PTPRM: variants seen among roughly 807,000 people sequenced by gnomAD.
PTPRM encodes the protein receptor-type tyrosine-protein phosphatase mu.
In PTPRM, 47 loss-of-function variants were observed where a neutral mutation model predicts 186.7. The observed-to-expected ratio is 0.25, with a 90% CI of 0.20 to 0.32. The LOEUF is 0.32. Ranked by LOEUF, PTPRM falls within the 10% of genes least tolerant of loss-of-function variation. PTPRM has a pLI of 1.00. For missense variants in PTPRM, 1,494 were observed against 1,865.0 expected (o/e 0.80, Z 3.66); for synonymous variants, 668 against 674.9 (o/e 0.99, Z 0.16).
chr18:8,346,300 T>C (rs1231108082), intron 23 of PTPRM, among the ~76,000 whole-genome samples: 2 of 152,366 alleles, frequency 1.3e-5, no homozygotes, highest in Middle Eastern at 3.4e-3. Flanking sequence ...ACTATCTTCC[T>C]GTTCTGGAGG....
At chr18:7,711,214 C>T (rs557994429) in intron 1 of PTPRM, among the ~76,000 whole-genome samples, 1 of 152,104 alleles carries the variant, frequency 6.6e-6, no homozygotes, top group Non-Finnish European at 1.5e-5. Flanking sequence ...TTGCCTCACC[C>T]GGGAAGCTCA....
chr18:8,156,161 C>A (rs1017770888), intron 14 of PTPRM, among the ~76,000 whole-genome samples: 3 of 152,132 alleles, frequency 2.0e-5, no homozygotes, highest in Non-Finnish European at 1.5e-5. Context: ...TTTGTAAAGG[C>A]CTCTTCTGAG....
chr18:7,667,255 C>T (rs964238686), intron 1 of PTPRM, among the ~76,000 whole-genome samples: 2 of 152,110 alleles, frequency 1.3e-5, no homozygotes, highest in African/African-American at 4.8e-5. Context: ...AGGAAAAATG[C>T]GGAGGACCAC....
chr18:8,160,300 T>G (rs1352933779), intron 14 of PTPRM, among the ~76,000 whole-genome samples: 1 of 152,128 alleles, frequency 6.6e-6, no homozygotes, highest in Non-Finnish European at 1.5e-5. Flanking sequence ...ATTTATTTAT[T>G]TATTGGAGAT....
At chr18:8,188,334 A>G (rs909050484) in intron 14 of PTPRM, among the ~76,000 whole-genome samples, 3 of 152,254 alleles carry the variant, frequency 2.0e-5, no homozygotes, top group Admixed American at 6.5e-5. Flanking sequence ...GGCAGCAGCC[A>G]ACATTTTGCT....
At chr18:8,100,326 A>G (rs2091235924) in intron 11 of PTPRM, among the ~76,000 whole-genome samples, 2 of 152,088 alleles carry the variant, frequency 1.3e-5, no homozygotes, top group African/African-American at 4.8e-5. Flanking sequence ...TTTTTAGTAG[A>G]GACGGGGTTT....
At chr18:7,817,084 C>T (rs2044874314) in intron 2 of PTPRM, among the ~76,000 whole-genome samples, 1 of 150,336 alleles carries the variant, frequency 6.7e-6, no homozygotes, top group African/African-American at 2.5e-5. Flanking sequence ...AAGTGATTCT[C>T]TTGCCTCAGC....
intron 5 of PTPRM, among the ~76,000 whole-genome samples, chr18:7,927,804 G>T (rs1203933172): frequency 6.6e-6 from 1 of 152,172 alleles, no homozygotes; most frequent in Non-Finnish European, 1.5e-5. Flanking sequence ...CCAGGATGCG[G>T]TAGAGTGGTA....
intron 2 of PTPRM, among the ~76,000 whole-genome samples, chr18:7,854,211 C>A (rs1418761443): frequency 6.6e-6 from 1 of 152,130 alleles, no homozygotes; most frequent in African/African-American, 2.4e-5. Context: ...AATTGTCTTT[C>A]TTCTATCATG....
intron 2 of PTPRM, among the ~76,000 whole-genome samples, chr18:7,774,850 G>C (rs1415010068): frequency 6.6e-6 from 1 of 152,224 alleles, no homozygotes; most frequent in African/African-American, 2.4e-5. Flanking sequence ...TGTTGGGAGG[G>C]AAAAGTAGGA....
intron 7 of PTPRM, among the ~76,000 whole-genome samples, chr18:8,019,882 G>A (rs1159134883): frequency 1.3e-5 from 2 of 150,062 alleles, no homozygotes; most frequent in Admixed American, 6.6e-5. Flanking sequence ...TTAACCCAAC[G>A]CTCTTGGGTT....
chr18:8,021,152 T>G (rs1396346202), intron 7 of PTPRM, among the ~76,000 whole-genome samples: 7 of 152,138 alleles, frequency 4.6e-5, no homozygotes, highest in Non-Finnish European at 1.0e-4. Flanking sequence ...TAGAAAATTA[T>G]GTTGGAAAAT....
Position 7,943,837 on chromosome 18 carries a change from A to G in PTPRM, c.664-5344A>G, listed in dbSNP as rs373245946. Among the ~76,000 whole-genome samples, 27 of 152,290 alleles carry G rather than the reference A, an allele frequency of 1.8e-4. No homozygotes were observed. In the South Asian group the frequency reaches 4.8e-3, roughly 27 times the overall value. On this transcript the variant is annotated intron_variant, in intron 5 of 32. Transcript: ENST00000580170. Reference sequence around the variant, plus strand: ...TTGGCCAACCCAGATAATCCAGTCTATCTTTCCATCTCTAGACCCTTATTT... The same window carrying G: ...TTGGCCAACCCAGATAATCCAGTCTGTCTTTCCATCTCTAGACCCTTATTT...
intron 8 of PTPRM, 40 bp downstream of exon 8, chr18:8,070,034 C>A (rs1279020482): frequency 2.6e-6 from 4 of 1,546,286 alleles, no homozygotes; most frequent in Admixed American, 3.9e-5. Context: ...AAAACATGTT[C>A]TTTCAAAAAA....
intron 2 of PTPRM, among the ~76,000 whole-genome samples, chr18:7,873,565 A>G (rs1390688147): frequency 6.6e-6 from 1 of 152,204 alleles, no homozygotes; most frequent in Non-Finnish European, 1.5e-5. Flanking sequence ...AGCACTCAGT[A>G]CAGGTTCGGT....
chr18:7,903,242 A>C (rs1253378781), intron 3 of PTPRM, among the ~76,000 whole-genome samples: 1 of 152,194 alleles, frequency 6.6e-6, no homozygotes, highest in Non-Finnish European at 1.5e-5. Flanking sequence ...GGAAGAGAGG[A>C]TGGCAGGTGG....
At chr18:7,658,769 A>G (rs1363274587) in intron 1 of PTPRM, among the ~76,000 whole-genome samples, 1 of 152,174 alleles carries the variant, frequency 6.6e-6, no homozygotes, top group Admixed American at 6.5e-5. Flanking sequence ...AAGTTTTCCT[A>G]GTAAATAGAC....
intron 2 of PTPRM, among the ~76,000 whole-genome samples, chr18:7,822,689 C>T (rs2045262791): frequency 1.3e-5 from 2 of 152,192 alleles, no homozygotes; most frequent in African/African-American, 2.4e-5. Context: ...AATGAATTCT[C>T]TCAAGGCCTC....
At chr18:7,844,248 A>G (rs2145870141) in intron 2 of PTPRM, among the ~76,000 whole-genome samples, 1 of 152,318 alleles carries the variant, frequency 6.6e-6, no homozygotes, top group Non-Finnish European at 1.5e-5. Flanking sequence ...TCCTCTTACC[A>G]TAAGAATTCA....
Sources: allele counts gnomAD v4.1 joint callset (sites outside exome capture counted in the v4.1 genomes callset), GRCh38; gene constraint gnomAD v4.1.1; transcripts MANE v1.5; gene names NCBI Gene and HGNC (gene_info 2026-07-23, HGNC 2026-07-21).